Variants in BANK1 observed in about 807,000 individuals in gnomAD.
The protein encoded by BANK1 is B-cell scaffold protein with ankyrin repeats.
BANK1 carries 95 observed loss-of-function variants against 94.5 expected under a neutral mutation model. The observed-to-expected ratio is 1.00, with a 90% CI of 0.85 to 1.19. The LOEUF is 1.19. BANK1 is among the 50% of genes most tolerant of loss of function. BANK1 has a pLI of 0.00. For synonymous variants in BANK1, 334 were observed against 308.4 expected (o/e 1.08, Z -0.87); for missense variants, 987 against 932.2 (o/e 1.06, Z -0.77).
intron 3 of BANK1, among the ~76,000 whole-genome samples, chr4:101,861,003 A>C (rs1727854897): frequency 6.6e-6 from 1 of 152,192 alleles, no homozygotes; most frequent in Non-Finnish European, 1.5e-5. Flanking sequence ...AAAGAACTGT[A>C]CTAGAAGCGA....
At chr4:101,804,208 A>G (rs1487573428) in intron 1 of BANK1, among the ~76,000 whole-genome samples, 3 of 152,154 alleles carry the variant, frequency 2.0e-5, no homozygotes, top group African/African-American at 7.2e-5. Flanking sequence ...AGAAGAATGT[A>G]GACAACTATA....
chr4:101,927,923 A>G (rs75645937), intron 7 of BANK1, among the ~76,000 whole-genome samples: 2,939 of 151,726 alleles, frequency 0.019, 107 homozygotes, highest in African/African-American at 0.068. Context: ...CAAGAAATCT[A>G]TTGACCTGGA....
chr4:102,037,830 T>C (rs556467845), intron 10 of BANK1, among the ~76,000 whole-genome samples: 1 of 152,162 alleles, frequency 6.6e-6, no homozygotes, highest in Non-Finnish European at 1.5e-5. Context: ...AAATGATAGT[T>C]CCTGTGATGG....
chr4:101,976,730 G>A (rs1221145558), intron 7 of BANK1, among the ~76,000 whole-genome samples: 1 of 152,068 alleles, frequency 6.6e-6, no homozygotes, highest in Non-Finnish European at 1.5e-5. Context: ...TATAACTGGT[G>A]CTTCTGAAAA....
At chr4:101,813,937 T>C (rs1487150407) in intron 1 of BANK1, 1 of 972,596 alleles carries the variant, frequency 1.0e-6, no homozygotes, top group African/African-American at 1.8e-5. Flanking sequence ...TTCTTTGTTT[T>C]GGTATGTATA....
At chr4:101,883,222 A>G (rs1236493159) in intron 5 of BANK1, among the ~76,000 whole-genome samples, 1 of 152,228 alleles carries the variant, frequency 6.6e-6, no homozygotes, top group African/African-American at 2.4e-5. Context: ...TTCAGTTACA[A>G]ATCATTGAAC....
chr4:102,004,475 C>CA (rs2148938111), intron 7 of BANK1, among the ~76,000 whole-genome samples: 2 of 152,252 alleles, frequency 1.3e-5, no homozygotes, highest in Non-Finnish European at 2.9e-5. Flanking sequence ...TTTTCTTCTG[C>CA]ATTTTATTTA....
intron 7 of BANK1, among the ~76,000 whole-genome samples, chr4:102,008,945 GA>G: frequency 6.6e-6 from 1 of 152,338 alleles, no homozygotes; most frequent in Non-Finnish European, 1.5e-5. Flanking sequence ...AGGGAAGCCT[GA>G]AGTCATGTTT....
At position 101,847,736 on chromosome 4, in the gene BANK1, T is replaced by TACACACACACAC. The variant is rs35196238; in HGVS notation, c.470-7271_470-7260dup. Among the ~76,000 whole-genome samples, 452 of 145,868 alleles carry TACACACACACAC rather than the reference T, an allele frequency of 3.1e-3. 4 individuals carry two copies. The highest frequency in any genetic ancestry group is 0.01 in the African/African-American group (410 of 39,266). On this transcript the variant is annotated intron_variant, in intron 2 of 16. Coordinates refer to ENST00000322953, the MANE Select transcript of BANK1 (RefSeq NM_017935.5). ...TTTATGTCTGCGTAGTATTCCATCA[T>TACACACACACAC]ACACACACACACACACACACACACA...
intron 1 of BANK1, among the ~76,000 whole-genome samples, chr4:101,806,162 A>G (rs1725545628): frequency 6.6e-6 from 1 of 152,032 alleles, no homozygotes; most frequent in Admixed American, 6.5e-5. Context: ...AAAAACTGTC[A>G]TATATGTACT....
At chr4:102,012,833 C>CAA (rs137973195) in intron 7 of BANK1, among the ~76,000 whole-genome samples, 1 of 148,084 alleles carries the variant, frequency 6.8e-6, no homozygotes, top group East Asian at 1.9e-4. Context: ...GAAGAAAGAA[C>CAA]AAAAAAAAAA....
chr4:101,791,042 G>GGGCACTGAGGCCAGGGC (rs1461013400), intron 1 of BANK1, 92 bp downstream of exon 1: 2 of 1,029,722 alleles, frequency 1.9e-6, no homozygotes, highest in Admixed American at 6.3e-5. Flanking sequence ...AACTGCACTC[G>GGGCACTGAGGCCAGGGC]GGCACTGAGG....
At chr4:101,936,914 C>T (rs1387433590) in intron 7 of BANK1, among the ~76,000 whole-genome samples, 1 of 151,540 alleles carries the variant, frequency 6.6e-6, no homozygotes, top group Non-Finnish European at 1.5e-5. Flanking sequence ...CTTCAACAAA[C>T]TAAAAATAGA....
chr4:101,851,060 A>G (rs1727457076), intron 2 of BANK1, among the ~76,000 whole-genome samples: 1 of 152,198 alleles, frequency 6.6e-6, no homozygotes, highest in Non-Finnish European at 1.5e-5. Flanking sequence ...AAAAATAATT[A>G]AGCTTAGTGA....
At chr4:101,959,213 C>T (rs191151735) in intron 7 of BANK1, among the ~76,000 whole-genome samples, 1 of 151,988 alleles carries the variant, frequency 6.6e-6, no homozygotes, top group East Asian at 1.9e-4. Flanking sequence ...AATTTCAGCT[C>T]ACTGCAACCT....
intron 7 of BANK1, among the ~76,000 whole-genome samples, chr4:101,935,657 T>G (rs1464174887): frequency 2.0e-5 from 3 of 151,560 alleles, no homozygotes; most frequent in African/African-American, 7.3e-5. Context: ...CATCTTTCCC[T>G]CAAGTAATTA....
chr4:102,045,338 T>C (rs1039253577), intron 11 of BANK1, among the ~76,000 whole-genome samples: 3 of 152,152 alleles, frequency 2.0e-5, no homozygotes, highest in African/African-American at 7.2e-5. Flanking sequence ...AATATCATAC[T>C]GAATGGGCAA....
At chr4:101,991,711 G>T (rs934046699) in intron 7 of BANK1, among the ~76,000 whole-genome samples, 1 of 152,112 alleles carries the variant, frequency 6.6e-6, no homozygotes, top group Non-Finnish European at 1.5e-5. Flanking sequence ...ACAATTCCAT[G>T]TATATCTGGG....
At chr4:101,892,547 A>G (rs1424370693) in intron 5 of BANK1, among the ~76,000 whole-genome samples, 2 of 151,548 alleles carry the variant, frequency 1.3e-5, no homozygotes, top group Admixed American at 6.6e-5. Flanking sequence ...ATATGTATAT[A>G]TTATGGATAT....
Sources: gnomAD v4.1 joint callset for allele counts (sites outside exome capture counted in the v4.1 genomes callset) on GRCh38, gnomAD v4.1.1 for gene constraint, MANE v1.5 for transcripts, NCBI Gene and HGNC (gene_info 2026-07-23, HGNC 2026-07-21) for gene names.